Variants in CACNA1B observed in about 807,000 individuals in gnomAD.
The protein encoded by CACNA1B is calcium voltage-gated channel subunit alpha1 B.
In CACNA1B, 70 loss-of-function variants were observed where a neutral mutation model predicts 247.2. That is an observed-to-expected ratio of 0.28 (90% CI 0.23 to 0.35). CACNA1B has a LOEUF of 0.35. CACNA1B is among the 10% of genes least tolerant of loss of function. The probability of loss-of-function intolerance (pLI) is 1.00; values close to 1 mark genes in which losing one functional copy is unlikely to be tolerated. For synonymous variants in CACNA1B, 1,231 were observed against 1,294.4 expected (o/e 0.95, Z 1.05); for missense variants, 2,367 against 3,197.4 (o/e 0.74, Z 6.26).
At chr9:138,008,534 G>C (rs928994553) in intron 16 of CACNA1B, among the ~76,000 whole-genome samples, 2 of 152,208 alleles carry the variant, frequency 1.3e-5, no homozygotes, top group African/African-American at 4.8e-5. Flanking sequence ...GCTCTGGCCT[G>C]GGGTATGCGC....
At chr9:137,975,851 G>A (rs1958213583) in intron 11 of CACNA1B, 56 bp from the exon 12 acceptor site, 1 of 1,071,744 alleles carries the variant, frequency 9.3e-7, no homozygotes, top group Non-Finnish European at 1.4e-6. Flanking sequence ...GTCTGGGCTG[G>A]AGCCAGAGTG....
At position 137,986,146 on chromosome 9, in the gene CACNA1B, C is replaced by A. The variant is rs1048833180; in HGVS notation, c.1770-267C>A. Among the ~76,000 whole-genome samples, 1 of 152,074 alleles carries A rather than the reference C, an allele frequency of 6.6e-6. No homozygotes were observed. Among genetic ancestry groups the A allele is most frequent in the Non-Finnish European group, 1.5e-5 (1 of 68,020 alleles). On this transcript the variant is annotated intron_variant, in intron 13 of 46. Transcript: ENST00000371372. This position sits in a 1 kb window ranked among gnomAD's most constrained non-coding sequence, Gnocchi z 6.0. ...CTGGCCACCTGGATGGTGGCCTCGT[C>A]CTCCTGAACCTAGGGACAGGGAGCA... is the stretch of plus-strand genomic sequence containing the variant.
chr9:137,922,790 C>T (rs1164192311), intron 6 of CACNA1B, among the ~76,000 whole-genome samples: 4 of 152,106 alleles, frequency 2.6e-5, no homozygotes, highest in African/African-American at 9.7e-5. Flanking sequence ...GTGGTGACAA[C>T]CTGCAAAACT....
chr9:137,917,184 G>T lies in CACNA1B; in HGVS notation c.776-57G>T. 1 of 1,514,194 alleles carries T rather than the reference G, an allele frequency of 6.6e-7. No homozygotes were observed. The highest frequency in any genetic ancestry group is 2.3e-5 in the East Asian group (1 of 44,282). 93.8% of individuals were successfully genotyped at this position (1,514,194 alleles called of 1,614,324 possible). On this transcript the variant is annotated intron_variant, in intron 5 of 46. Coordinates refer to ENST00000371372, the MANE Select transcript of CACNA1B (RefSeq NM_000718.4). The surrounding 1 kb of genome is among the most constrained non-coding windows in gnomAD (Gnocchi z 5.5). ...CTCCAGAGCCCAGGAATCCTGGTGG[G>T]GATTGGAGAGCTTGGTATTTCTGAG...
At chr9:138,046,856 G>T (rs747182600) in intron 21 of CACNA1B, 48 bp from the exon 22 acceptor site, 17 of 1,584,874 alleles carry the variant, frequency 1.1e-5, no homozygotes, top group Non-Finnish European at 1.4e-5. Flanking sequence ...GCAAGGGGTG[G>T]CGCGCCCGGC....
chr9:138,115,466 C>T, intron 41 of CACNA1B, 86 bp from the exon 42 acceptor site: 1 of 1,428,420 alleles, frequency 7.0e-7, no homozygotes, highest in South Asian at 1.4e-5. Flanking sequence ...CTGGCTTTTG[C>T]CCCATGCCAC....
intron 18 of CACNA1B, among the ~76,000 whole-genome samples, chr9:138,019,970 G>A (rs1021277254): frequency 1.3e-4 from 19 of 151,828 alleles, no homozygotes; most frequent in Non-Finnish European, 2.4e-4. Flanking sequence ...GGTGGCGGGC[G>A]CCTGTAGTCC....
intron 6 of CACNA1B, among the ~76,000 whole-genome samples, chr9:137,929,343 C>T (rs1957584708): frequency 6.6e-6 from 1 of 152,010 alleles, no homozygotes; most frequent in African/African-American, 2.4e-5. Flanking sequence ...CACTTGAGCC[C>T]AAGAATTTGA....
chr9:138,074,674 G>T (rs1274915809), intron 34 of CACNA1B, among the ~76,000 whole-genome samples: 1 of 152,268 alleles, frequency 6.6e-6, no homozygotes. Context: ...CTCAACAGGT[G>T]GATGCACCGT....
intron 6 of CACNA1B, among the ~76,000 whole-genome samples, chr9:137,936,178 C>T (rs755411282): frequency 3.9e-5 from 6 of 152,092 alleles, no homozygotes; most frequent in African/African-American, 7.2e-5. Flanking sequence ...TTTTAATGAC[C>T]GCCATTCTAA....
intron 15 of CACNA1B, among the ~76,000 whole-genome samples, chr9:138,002,544 CAAAAAAAAAA>C (rs554684903): frequency 7.2e-5 from 7 of 97,078 alleles, no homozygotes; most frequent in Admixed American, 3.6e-4. Flanking sequence ...AGCCCATATC[CAAAAAAAAAA>C]AAAAAAAAAA....
intron 10 of CACNA1B, among the ~76,000 whole-genome samples, chr9:137,958,953 T>G (rs1317952223): frequency 1.3e-5 from 2 of 152,238 alleles, no homozygotes; most frequent in Non-Finnish European, 2.9e-5. Flanking sequence ...TCTTCCCATA[T>G]GCTATACAGT....
chr9:137,893,330 G>A (rs1395411967), intron 3 of CACNA1B, among the ~76,000 whole-genome samples: 6 of 140,142 alleles, frequency 4.3e-5, no homozygotes, highest in East Asian at 4.2e-4. Context: ...AGAACTAGAC[G>A]CTGATATTAA....
At chr9:138,104,594 T>C (rs1276702746) in intron 38 of CACNA1B, among the ~76,000 whole-genome samples, 1 of 152,172 alleles carries the variant, frequency 6.6e-6, no homozygotes, top group Non-Finnish European at 1.5e-5. Flanking sequence ...CAGCCCGGCT[T>C]GCATCCACAC....
At chr9:138,043,208 G>A (rs945890233) in intron 20 of CACNA1B, among the ~76,000 whole-genome samples, 13 of 152,200 alleles carry the variant, frequency 8.5e-5, no homozygotes, top group Admixed American at 6.5e-4. Context: ...GCGACGAGTC[G>A]GGGCCTGGCG....
intron 15 of CACNA1B, among the ~76,000 whole-genome samples, chr9:137,987,648 C>G (rs1958382408): frequency 1.3e-5 from 2 of 152,226 alleles, no homozygotes; most frequent in African/African-American, 4.8e-5. Flanking sequence ...TACCCTTGGT[C>G]AGGGCTGGAG....
chr9:138,006,714 G>T, intron 15 of CACNA1B, 53 bp from the exon 16 acceptor site: 1 of 981,350 alleles, frequency 1.0e-6, no homozygotes, highest in South Asian at 1.3e-5. Context: ...GGGTGCGTGT[G>T]TGTGGGGAAG....
intron 3 of CACNA1B, among the ~76,000 whole-genome samples, chr9:137,901,166 G>T (rs528327321): frequency 6.7e-6 from 1 of 149,290 alleles, no homozygotes; most frequent in South Asian, 2.2e-4. Flanking sequence ...GTTTGTGTCT[G>T]TGTGTCTCTG....
intron 15 of CACNA1B, among the ~76,000 whole-genome samples, chr9:137,991,231 TA>T (rs1187984963): frequency 4.6e-5 from 7 of 152,054 alleles, no homozygotes; most frequent in Admixed American, 1.3e-4. Flanking sequence ...TGAAATCGCA[TA>T]AAAAAATCAC....
Sources: allele counts gnomAD v4.1 joint callset (sites outside exome capture counted in the v4.1 genomes callset), GRCh38; gene constraint gnomAD v4.1.1; non-coding constraint Gnocchi (gnomAD v3.1); transcripts MANE v1.5; gene names NCBI Gene and HGNC (gene_info 2026-07-23, HGNC 2026-07-21).